Variants in CACNG6 observed in about 807,000 individuals in gnomAD.
CACNG6 encodes the protein calcium voltage-gated channel auxiliary subunit gamma 6.
In CACNG6, 21 loss-of-function variants were observed where a neutral mutation model predicts 23.9. That is an observed-to-expected ratio of 0.88 (90% CI 0.62 to 1.26). The LOEUF is 1.26. Among genes scored for constraint, CACNG6 ranks in the 50% most tolerant of loss-of-function variants. The pLI is 0.00. For synonymous variants in CACNG6, 182 were observed against 168.9 expected, an observed-to-expected ratio of 1.08 and a Z score of -0.60; for missense variants, 340 against 352.9, an observed-to-expected ratio of 0.96 and a Z score of 0.29.
intron 2 of CACNG6, among the ~76,000 whole-genome samples, chr19:53,998,585 C>T (rs1220989886): frequency 6.7e-6 from 1 of 149,562 alleles, no homozygotes; most frequent in East Asian, 2.0e-4. Flanking sequence ...AATCTCGGCT[C>T]ACTGCAACCT....
At position 53,999,779 on chromosome 19, in the gene CACNG6, T is replaced by C; in HGVS notation, c.544+8T>C. The C allele has an allele frequency of 6.2e-7, 1 of 1,613,206 alleles. No homozygotes were observed. Among genetic ancestry groups the C allele is most frequent in the Non-Finnish European group, 8.5e-7 (1 of 1,179,830 alleles). On this transcript the variant is annotated splice_region_variant and intron_variant, in intron 3 of 3. Coordinates refer to ENST00000252729, the MANE Select transcript of CACNG6 (RefSeq NM_145814.2). ...TCTGCTTTGGCCTCTCAGGTGAGGGTTCAGAGCCTGGAGGCTGAGGACATT... is the reference window on the plus strand; with the variant it reads ...TCTGCTTTGGCCTCTCAGGTGAGGGCTCAGAGCCTGGAGGCTGAGGACATT...
chr19:54,006,517 C>CTTTCTTTTTTTTTTTTTTTTTTTT (rs2069646652), intron 3 of CACNG6, among the ~76,000 whole-genome samples: 1 of 107,332 alleles, frequency 9.3e-6, no homozygotes, highest in African/African-American at 3.8e-5. Flanking sequence ...TTCCTTCTTT[C>CTTTCTTTTTTTTTTTTTTTTTTTT]TTTTCTTTTT....
Position 53,992,936 on chromosome 19 carries a change from G to A in CACNG6, c.59G>A (p.Arg20Gln), listed in dbSNP as rs1437887891. ...EENRRRGAAG[R>Q]RRAHGQGRSG... ...AACCGGCGGCGGGGGGCCGCGGGCC[G>A]GCGGCGGGCGCACGGGCAGGGCAGG... Residue 20 changes from arginine to glutamine, a missense_variant, in exon 1 of 4, where the codon CGG becomes CAG. Transcript: ENST00000252729. This position sits in a 1 kb window ranked among gnomAD's most constrained non-coding sequence, Gnocchi z 4.1. 2.9e-6 allele frequency: 4 copies of A among 1,385,910 alleles called. No individual in the cohort carries two copies. The highest frequency in any genetic ancestry group is 3.4e-5 in the Admixed American group (1 of 29,122). 85.9% of individuals were successfully genotyped at this position (1,385,910 alleles called of 1,614,324 possible).
intron 3 of CACNG6, among the ~76,000 whole-genome samples, chr19:54,011,205 A>AAAAAAAAAAAAAAATATATATATAT (rs58054808): frequency 9.8e-6 from 1 of 102,546 alleles, no homozygotes; most frequent in African/African-American, 5.0e-5. Flanking sequence ...AAAAAAAAAA[A>AAAAAAAAAAAAAAATATATATATAT]ATATATATAT....
rs777281900 is a variant in CACNG6 at position 53,999,743 on chromosome 19, AGTTG to A, written c.518_521del (p.Val173GlufsTer14). The A allele has an allele frequency of 1.2e-6, 2 of 1,614,060 alleles. No individual in the cohort carries two copies. The highest frequency in any genetic ancestry group is 2.2e-5 in the South Asian group (2 of 91,084). ...GTAAAGGTGCAGAGTTCCTGCTCCG[AGTTG>A]GAGCCGTCTGCTTTGGCCTCTCAGG... On this transcript the variant is annotated frameshift_variant, in exon 3 of 4. Transcript: ENST00000252729. LOFTEE classifies it high-confidence loss of function.
intron 3 of CACNG6, among the ~76,000 whole-genome samples, chr19:54,009,333 A>C (rs2069679412): frequency 6.6e-6 from 1 of 151,002 alleles, no homozygotes; most frequent in Non-Finnish European, 1.5e-5. Context: ...AGGCAGGAGA[A>C]TCACTTGAAC....
chr19:53,999,593 C>G, intron 2 of CACNG6, 41 bp from the exon 3 acceptor site: 1 of 1,603,444 alleles, frequency 6.2e-7, no homozygotes, highest in Non-Finnish European at 8.5e-7. Context: ...TCATTCCCTA[C>G]ATCCCATGTT....
At chr19:53,993,287 C>A in intron 1 of CACNG6, 79 bp downstream of exon 1, 1 of 1,392,882 alleles carries the variant, frequency 7.2e-7, no homozygotes, top group Non-Finnish European at 9.5e-7. Flanking sequence ...GAGGAGAAAA[C>A]CCGCCCCAGG....
At chr19:53,998,848 G>A (rs919494122) in intron 2 of CACNG6, among the ~76,000 whole-genome samples, 4 of 151,576 alleles carry the variant, frequency 2.6e-5, no homozygotes, top group African/African-American at 9.7e-5. Context: ...CCTATGCCAC[G>A]TTCTGTGTCA....
At chr19:54,011,247 A>AC (rs1281429168) in intron 3 of CACNG6, among the ~76,000 whole-genome samples, 118 of 105,858 alleles carry the variant, frequency 1.1e-3, no homozygotes, top group East Asian at 3.5e-3. Context: ...CACACACACA[A>AC]AAATTAGCCA....
Position 53,999,631 on chromosome 19 carries a change from C to T in CACNG6, c.407-3C>T. On this transcript the variant is annotated splice_region_variant and splice_polypyrimidine_tract_variant and intron_variant, in intron 2 of 3. Coordinates refer to ENST00000252729, the MANE Select transcript of CACNG6 (RefSeq NM_145814.2). ...CTGCTTCTTTCCTCTCTCCTGCTGG[C>T]AGAGGTGAATCTGGCAGCTGCGGTG... 1 of 1,613,212 alleles carries T rather than the reference C, an allele frequency of 6.2e-7. No individual in the cohort carries two copies. Among genetic ancestry groups the T allele is most frequent in the Non-Finnish European group, 8.5e-7 (1 of 1,179,916 alleles).
In CACNG6 at chr19:53,992,009, C is replaced by T. The variant is rs1267762568; in HGVS notation, c.-869C>T. ...AGCCCTCGGGGAGGCCCCGTAGCCTCCCGCCTCTGGACTCCACTCTGTCTT... is the reference window on the plus strand; with the variant it reads ...AGCCCTCGGGGAGGCCCCGTAGCCTTCCGCCTCTGGACTCCACTCTGTCTT... On this transcript the variant is annotated 5_prime_UTR_variant, in exon 1 of 4. Transcript: ENST00000252729. This position sits in a 1 kb window ranked among gnomAD's most constrained non-coding sequence, Gnocchi z 4.1. 6.6e-6 allele frequency among the ~76,000 whole-genome samples: 1 copy of T among 152,164 alleles called. No homozygotes were observed. The highest frequency in any genetic ancestry group is 1.5e-5 in the Non-Finnish European group (1 of 68,016).
intron 1 of CACNG6, among the ~76,000 whole-genome samples, chr19:53,995,065 G>A (rs928332592): frequency 1.7e-4 from 26 of 152,108 alleles, no homozygotes; most frequent in African/African-American, 5.3e-4. Context: ...ATGAGGGGGC[G>A]AGAAATCTCG....
rs2069472254 is a variant in CACNG6 at position 53,992,541 on chromosome 19, CT to C, written c.-336del. 5.2e-6 allele frequency: 1 copy of C among 193,282 alleles called. No individual in the cohort carries two copies. Among genetic ancestry groups the C allele is most frequent in the Non-Finnish European group, 1.0e-5 (1 of 95,872 alleles). The allele number at this position is 193,282 out of a possible 1,614,324, so 12.0% of individuals were successfully genotyped here. On this transcript the variant is annotated 5_prime_UTR_variant, in exon 1 of 4. Transcript: ENST00000252729. The surrounding 1 kb of genome is among the most constrained non-coding windows in gnomAD (Gnocchi z 4.1). ...CTGGAGCTCTTGGGGGGACTCCCTC[CT>C]GGGAAGCCGAATTCTATCTCTAAAC... is the stretch of plus-strand genomic sequence containing the variant.
Position 53,993,080 on chromosome 19 carries a change from A to G in CACNG6, c.203A>G (p.Tyr68Cys), listed in dbSNP as rs1348088785. Residue 68 changes from tyrosine to cysteine, a missense_variant, in exon 1 of 4, where the codon TAC becomes TGC. Tyr to Cys is a radical substitution (Grantham distance 194). Coordinates refer to ENST00000252729, the MANE Select transcript of CACNG6 (RefSeq NM_145814.2). ...GTEFWVELNTYKANGSAVCEA... is the reference protein window; with the variant it reads ...GTEFWVELNTCKANGSAVCEA... ...GAGTTCTGGGTGGAGCTCAACACCT[A>G]CAAGGCCAACGGCAGCGCCGTGTGC... is the stretch of plus-strand genomic sequence containing the variant. The G allele has an allele frequency of 5.8e-6, 9 of 1,542,478 alleles. No individual in the cohort carries two copies. In the Admixed American group the frequency reaches 1.0e-4, roughly 17 times the overall value.
intron 1 of CACNG6, among the ~76,000 whole-genome samples, chr19:53,995,814 A>G (rs2069515354): frequency 6.6e-6 from 1 of 152,200 alleles, no homozygotes; most frequent in Non-Finnish European, 1.5e-5. Flanking sequence ...GGCATGCACC[A>G]CAACATCCGG....
chr19:53,997,586 C>T (rs544584099), intron 1 of CACNG6, among the ~76,000 whole-genome samples: 1 of 152,124 alleles, frequency 6.6e-6, no homozygotes, highest in South Asian at 2.1e-4. Flanking sequence ...CTTGATATGA[C>T]CCTTTTAATG....
At chr19:54,011,205 A>AAATATATATAT (rs58054808) in intron 3 of CACNG6, among the ~76,000 whole-genome samples, 4 of 102,544 alleles carry the variant, frequency 3.9e-5, no homozygotes, top group East Asian at 2.8e-4. Flanking sequence ...AAAAAAAAAA[A>AAATATATATAT]ATATATATAT....
rs1013783206 is a variant in CACNG6, at chr19:53,992,864, C to T, written c.-14C>T. On this transcript the variant is annotated 5_prime_UTR_variant, in exon 1 of 4. Coordinates refer to ENST00000252729, the MANE Select transcript of CACNG6 (RefSeq NM_145814.2). This position sits in a 1 kb window ranked among gnomAD's most constrained non-coding sequence, Gnocchi z 4.1. ...CTCTGCCTCCTCCCCCTTCCCGACCCCACCGGCCATAAGATGATGTGGTCC... is the reference window on the plus strand; with the variant it reads ...CTCTGCCTCCTCCCCCTTCCCGACCTCACCGGCCATAAGATGATGTGGTCC... 7.3e-7 allele frequency: 1 copy of T among 1,376,938 alleles called. No homozygotes were observed. The highest frequency in any genetic ancestry group is 9.4e-7 in the Non-Finnish European group (1 of 1,062,842). The allele number at this position is 1,376,938 out of a possible 1,614,324, so 85.3% of individuals were successfully genotyped here.
Sources: allele counts gnomAD v4.1 joint callset (sites outside exome capture counted in the v4.1 genomes callset), GRCh38; gene constraint gnomAD v4.1.1; non-coding constraint Gnocchi (gnomAD v3.1); transcripts MANE v1.5; gene names NCBI Gene and HGNC (gene_info 2026-07-23, HGNC 2026-07-21).